The following WDFY4 variants were observed in gnomAD, a reference collection of about 807,000 sequenced individuals.
The protein encoded by WDFY4 is WD repeat- and FYVE domain-containing protein 4.
In WDFY4, 169 loss-of-function variants were observed where a neutral mutation model predicts 351.9. The observed-to-expected ratio is 0.48, with a 90% CI of 0.42 to 0.55. The LOEUF (loss-of-function observed/expected upper bound fraction) is 0.55. Among genes scored for constraint, WDFY4 ranks in the 20% least tolerant of loss-of-function variants. The pLI is 0.00. For missense variants in WDFY4, 3,803 were observed against 3,935.6 expected, an observed-to-expected ratio of 0.97 and a Z score of 0.90; for synonymous variants, 1,622 against 1,574.6, an observed-to-expected ratio of 1.03 and a Z score of -0.71.
At chr10:48,821,018 G>A (rs748043291) in intron 33 of WDFY4, 44 bp from the exon 34 acceptor site, 49 of 1,423,708 alleles carry the variant, frequency 3.4e-5, no homozygotes, top group Non-Finnish European at 4.4e-5. Context: ...GGGTGCACAC[G>A]ATGGCCCTGT....
chr10:48,764,672 A>G (rs2065612911), intron 13 of WDFY4, among the ~76,000 whole-genome samples: 1 of 152,248 alleles, frequency 6.6e-6, no homozygotes, highest in African/African-American at 2.4e-5. Flanking sequence ...GAGAGTGGAA[A>G]GCCAGGTCTA....
At position 48,686,456 on chromosome 10, in the gene WDFY4, C is replaced by T. The variant is rs187382083; in HGVS notation, c.-18+1455C>T. ...TCAGCATCATCTCTGAGGTCCTCTT[C>T]ATGCCCATCTTTCACCTTCCCTCTT... On this transcript the variant is annotated intron_variant, in intron 1 of 61. Transcript: ENST00000325239. 1.4e-4 allele frequency among the ~76,000 whole-genome samples: 22 copies of T among 152,240 alleles called. No individual in the cohort carries two copies. The East Asian group carries it at 4.2e-3, about 29-fold the overall frequency.
At chr10:48,857,605 C>A (rs1174517338) in intron 39 of WDFY4, among the ~76,000 whole-genome samples, 1 of 152,026 alleles carries the variant, frequency 6.6e-6, no homozygotes, top group Non-Finnish European at 1.5e-5. Flanking sequence ...TTAGTATGTT[C>A]AATATATAAA....
intron 43 of WDFY4, among the ~76,000 whole-genome samples, chr10:48,881,366 G>A (rs1285098970): frequency 6.6e-6 from 1 of 152,192 alleles, no homozygotes; most frequent in Non-Finnish European, 1.5e-5. Flanking sequence ...GGGAGTGCTT[G>A]GATAGATGGG....
At chr10:48,775,929 CTCA>C in intron 15 of WDFY4, 123 bp downstream of exon 15, 6 of 857,442 alleles carry the variant, frequency 7.0e-6, no homozygotes, top group Non-Finnish European at 9.1e-6. Flanking sequence ...TTGTCTGCTG[CTCA>C]ATGCAGCAAC....
intron 13 of WDFY4, among the ~76,000 whole-genome samples, chr10:48,763,580 A>G (rs2065579207): frequency 6.6e-6 from 1 of 152,228 alleles, no homozygotes; most frequent in Non-Finnish European, 1.5e-5. Context: ...GATGAGCCTC[A>G]GTTTTAGATG....
At chr10:48,808,294 A>G (rs2067324841) in intron 28 of WDFY4, among the ~76,000 whole-genome samples, 1 of 152,258 alleles carries the variant, frequency 6.6e-6, no homozygotes, top group Non-Finnish European at 1.5e-5. Context: ...GGCAGACAAT[A>G]GAATGAAGAA....
At chr10:48,844,919 A>G (rs916237091) in intron 39 of WDFY4, among the ~76,000 whole-genome samples, 1 of 152,198 alleles carries the variant, frequency 6.6e-6, no homozygotes. Context: ...GACCTAGATG[A>G]TGCGCCAGAG....
At chr10:48,808,611 A>G (rs1471136330) in intron 28 of WDFY4, among the ~76,000 whole-genome samples, 3 of 152,202 alleles carry the variant, frequency 2.0e-5, no homozygotes, top group East Asian at 3.8e-4. Context: ...CTCAACCTGT[A>G]TATGCATCTG....
chr10:48,930,537 C>T lies in WDFY4; in HGVS notation c.7587-11269C>T, dbSNP rs549922484. ...AAGGATGGGAGCCAAGGCAAAGAGA[C>T]GAGATGAAGCAAGGAAACGGCTGGT... On this transcript the variant is annotated intron_variant, in intron 47 of 61. Coordinates refer to ENST00000325239, the MANE Select transcript of WDFY4 (RefSeq NM_001394531.1). Among the ~76,000 whole-genome samples, 4 of 152,074 alleles carry T rather than the reference C, an allele frequency of 2.6e-5. No homozygotes were observed. The East Asian group carries it at 5.8e-4, about 22-fold the overall frequency.
chr10:48,837,275 T>C (rs1476722517), intron 39 of WDFY4, among the ~76,000 whole-genome samples: 1 of 151,356 alleles, frequency 6.6e-6, no homozygotes, highest in Non-Finnish European at 1.5e-5. Context: ...AGAGGAGAGC[T>C]CTCGGGCAGG....
intron 30 of WDFY4, among the ~76,000 whole-genome samples, chr10:48,813,603 C>A (rs1373948616): frequency 2.0e-5 from 3 of 152,166 alleles, no homozygotes; most frequent in Non-Finnish European, 4.4e-5. Flanking sequence ...CTCTCTATAC[C>A]TCTACATGCT....
At chr10:48,971,821 C>A (rs1472520421) in intron 57 of WDFY4, among the ~76,000 whole-genome samples, 1 of 152,140 alleles carries the variant, frequency 6.6e-6, no homozygotes, top group African/African-American at 2.4e-5. Flanking sequence ...TGACCTTCAC[C>A]AACTGCTGTT....
rs1590016349 is a variant in WDFY4, at chr10:48,968,835, G to A, written c.8585-229G>A. On this transcript the variant is annotated intron_variant, in intron 55 of 61. Transcript: ENST00000325239. The stretch of plus-strand genomic sequence containing the variant: ...GGGAGGATGGGAATTGTGCCTCCCT[G>A]TGACTCCTGCCCCGGGGCCCGGCTA... 3 of 530,432 alleles carry A rather than the reference G, an allele frequency of 5.7e-6. No homozygotes were observed. The East Asian group carries it at 9.7e-5, about 17-fold the overall frequency. The allele number at this position is 530,432 out of a possible 1,614,324, so 32.9% of individuals were successfully genotyped here.
chr10:48,975,124 CAG>C, intron 58 of WDFY4, 83 bp downstream of exon 58: 5 of 1,535,480 alleles, frequency 3.3e-6, no homozygotes, highest in Non-Finnish European at 4.4e-6. Context: ...CCCAGAGACA[CAG>C]AGACTCTAGC....
intron 13 of WDFY4, among the ~76,000 whole-genome samples, chr10:48,769,570 A>G (rs2065791703): frequency 6.6e-6 from 1 of 152,176 alleles, no homozygotes; most frequent in Non-Finnish European, 1.5e-5. Context: ...GTGCTTTCAG[A>G]GTGTCTGGGG....
chr10:48,821,211 C>A, intron 34 of WDFY4, 35 bp downstream of exon 34: 1 of 1,485,708 alleles, frequency 6.7e-7, no homozygotes, highest in Non-Finnish European at 9.2e-7. Flanking sequence ...CCATTCATGA[C>A]ATGAGGCTGC....
chr10:48,938,808 G>A (rs185614735), intron 47 of WDFY4, among the ~76,000 whole-genome samples: 8 of 152,334 alleles, frequency 5.3e-5, no homozygotes, highest in South Asian at 2.1e-4. Context: ...TACCCACGAC[G>A]TCCTGATTCA....
chr10:48,769,901 G>A (rs977936112), intron 13 of WDFY4, among the ~76,000 whole-genome samples: 1 of 152,226 alleles, frequency 6.6e-6, no homozygotes, highest in Non-Finnish European at 1.5e-5. Flanking sequence ...GTGCTAATTT[G>A]CCTTGCGGGC....
Sources: allele counts gnomAD v4.1 joint callset (sites outside exome capture counted in the v4.1 genomes callset), GRCh38; gene constraint gnomAD v4.1.1; transcripts MANE v1.5; gene names NCBI Gene and HGNC (gene_info 2026-07-23, HGNC 2026-07-21).